GRIA2: variants seen among roughly 807,000 people sequenced by gnomAD.
GRIA2 encodes glutamate receptor 2.
A neutral mutation model predicts 97.3 loss-of-function variants in GRIA2; 14 were observed. The ratio of observed to expected loss-of-function variants is 0.14; its 90% CI spans 0.10 to 0.23. GRIA2 has a LOEUF of 0.23. GRIA2 is among the 10% of genes least tolerant of loss of function. GRIA2 has a pLI of 1.00. For synonymous variants in GRIA2, 412 were observed against 387.8 expected (o/e 1.06, Z -0.73); for missense variants, 558 against 1,069.8 (o/e 0.52, Z 6.67).
chr4:157,224,505 AAAATG>A (rs2126676385), intron 2 of GRIA2, among the ~76,000 whole-genome samples: 1 of 152,284 alleles, frequency 6.6e-6, no homozygotes, highest in Non-Finnish European at 1.5e-5. Context: ...TAGAGATTGC[AAAATG>A]AAATAGAGAA....
chr4:157,282,646 G>C (rs776700113), intron 2 of GRIA2, among the ~76,000 whole-genome samples: 4 of 152,006 alleles, frequency 2.6e-5, no homozygotes, highest in African/African-American at 9.7e-5. Flanking sequence ...GCTTTATCCT[G>C]TGCCAGTTTG....
At chr4:157,252,757 G>A (rs1731072205) in intron 2 of GRIA2, among the ~76,000 whole-genome samples, 1 of 151,990 alleles carries the variant, frequency 6.6e-6, no homozygotes, top group Admixed American at 6.6e-5. Flanking sequence ...ATTTATATGG[G>A]TTTAGAAATT....
intron 3 of GRIA2, among the ~76,000 whole-genome samples, chr4:157,312,428 G>T (rs763825780): frequency 6.6e-6 from 1 of 151,972 alleles, no homozygotes; most frequent in Admixed American, 6.6e-5. Flanking sequence ...TGAAAGAAAA[G>T]GATATTATTT....
chr4:157,267,925 G>T (rs1731845132), intron 2 of GRIA2, among the ~76,000 whole-genome samples: 1 of 151,966 alleles, frequency 6.6e-6, no homozygotes, highest in Non-Finnish European at 1.5e-5. Flanking sequence ...AAGGAGAGAT[G>T]ATCAAAGTTT....
At chr4:157,355,916 A>ATTTAT (rs1736288535) in intron 12 of GRIA2, among the ~76,000 whole-genome samples, 1 of 26,066 alleles carries the variant, frequency 3.8e-5, no homozygotes, top group East Asian at 2.3e-3. Flanking sequence ...TATATATATT[A>ATTTAT]ATATATTTAT....
At chr4:157,359,007 A>G (rs1173235417) in intron 12 of GRIA2, among the ~76,000 whole-genome samples, 3 of 152,170 alleles carry the variant, frequency 2.0e-5, no homozygotes, top group Non-Finnish European at 2.9e-5. Flanking sequence ...ATTCAAAGTC[A>G]TCTTCCCAAA....
intron 2 of GRIA2, among the ~76,000 whole-genome samples, chr4:157,228,160 T>C (rs1729833105): frequency 6.6e-6 from 1 of 152,196 alleles, no homozygotes; most frequent in Admixed American, 6.5e-5. Flanking sequence ...TCTAGCTCAG[T>C]TCCCAGTGCA....
At chr4:157,275,110 G>A (rs2126798264) in intron 2 of GRIA2, among the ~76,000 whole-genome samples, 1 of 152,184 alleles carries the variant, frequency 6.6e-6, no homozygotes, top group East Asian at 1.9e-4. Flanking sequence ...GCATTTCTCT[G>A]ATGGCCAGTG....
chr4:157,282,664 T>G (rs1414159563), intron 2 of GRIA2, among the ~76,000 whole-genome samples: 2 of 152,084 alleles, frequency 1.3e-5, no homozygotes, highest in Non-Finnish European at 2.9e-5. Flanking sequence ...TTGGTAGTAC[T>G]AATTTTGTTT....
chr4:157,232,148 A>T (rs1579290405), intron 2 of GRIA2, among the ~76,000 whole-genome samples: 1 of 152,214 alleles, frequency 6.6e-6, no homozygotes, highest in Non-Finnish European at 1.5e-5. Context: ...AACTTGGAAA[A>T]TTGAAAACAT....
At chr4:157,359,553 A>G (rs960597957) in intron 12 of GRIA2, among the ~76,000 whole-genome samples, 30 of 152,154 alleles carry the variant, frequency 2.0e-4, no homozygotes, top group African/African-American at 7.2e-4. Flanking sequence ...GGCAGCAAAG[A>G]TATCCTTTTT....
At chr4:157,275,388 C>G (rs1226955780) in intron 2 of GRIA2, among the ~76,000 whole-genome samples, 6 of 152,136 alleles carry the variant, frequency 3.9e-5, no homozygotes, top group Admixed American at 3.9e-4. Context: ...TCCCATTTGT[C>G]AATTTTGGCT....
At chr4:157,220,181 G>T (rs1319087738), upstream of GRIA2, 1 of 152,200 alleles carries the variant, frequency 6.6e-6, no homozygotes, top group African/African-American at 2.4e-5. Flanking sequence ...TTGCTAAATG[G>T]GTTTTCACAG....
intron 12 of GRIA2, among the ~76,000 whole-genome samples, chr4:157,355,660 ATATTTATTTT>A (rs1310771635): frequency 5.8e-5 from 7 of 121,008 alleles, no homozygotes; most frequent in Non-Finnish European, 1.1e-4. Context: ...ATATTTATTT[ATATTTATTTT>A]TATATATTTA....
chr4:157,221,543 G>T (rs1729492950), intron 1 of GRIA2, 124 bp from the exon 2 acceptor site: 2 of 954,480 alleles, frequency 2.1e-6, no homozygotes, highest in Admixed American at 4.4e-5. Context: ...GAGTCCGTAG[G>T]TGTGTTTATT....
At chr4:157,275,996 G>A (rs1156600345) in intron 2 of GRIA2, among the ~76,000 whole-genome samples, 7 of 152,240 alleles carry the variant, frequency 4.6e-5, no homozygotes, top group Admixed American at 4.6e-4. Context: ...CAACCCATGA[G>A]CATGGAATGT....
At chr4:157,338,683 T>A (rs916779930) in intron 11 of GRIA2, among the ~76,000 whole-genome samples, 3 of 152,128 alleles carry the variant, frequency 2.0e-5, no homozygotes, top group Non-Finnish European at 4.4e-5. Context: ...GATAGCATAT[T>A]TTTCCTTGTT....
chr4:157,281,756 C>T (rs1732608037), intron 2 of GRIA2, among the ~76,000 whole-genome samples: 1 of 152,056 alleles, frequency 6.6e-6, no homozygotes, highest in Non-Finnish European at 1.5e-5. Flanking sequence ...TCAGTCTTTA[C>T]CCTGAAGCCA....
chr4:157,320,834 A>G (rs1248032107), intron 5 of GRIA2, among the ~76,000 whole-genome samples: 2 of 152,166 alleles, frequency 1.3e-5, no homozygotes, highest in African/African-American at 4.8e-5. Flanking sequence ...AATATCACAT[A>G]ATAGTTTTAG....
Sources: gnomAD v4.1 joint callset for allele counts (sites outside exome capture counted in the v4.1 genomes callset) on GRCh38, gnomAD v4.1.1 for gene constraint, MANE v1.5 for transcripts, NCBI Gene and HGNC (gene_info 2026-07-23, HGNC 2026-07-21) for gene names.